Variants in EIF2AK3 observed in about 807,000 individuals in gnomAD.
The protein encoded by EIF2AK3 is eukaryotic translation initiation factor 2-alpha kinase 3.
EIF2AK3 carries 50 observed loss-of-function variants against 113.5 expected under a neutral mutation model. That is an observed-to-expected ratio of 0.44 (90% CI 0.35 to 0.56). The LOEUF (loss-of-function observed/expected upper bound fraction) is 0.56, where lower values mean the gene tolerates loss of function less well. Ranked by LOEUF, EIF2AK3 falls within the 20% of genes least tolerant of loss-of-function variation. The pLI is 0.00. For missense variants in EIF2AK3, 1,185 were observed against 1,378.0 expected (o/e 0.86, Z 2.22); for synonymous variants, 448 against 495.4 (o/e 0.90, Z 1.27).
Position 88,593,336 on chromosome 2 carries a change from T to G in EIF2AK3, c.703A>C (p.Ile235Leu). 3.7e-6 allele frequency: 6 copies of G among 1,614,138 alleles called. No individual in the cohort carries two copies. The highest frequency in any genetic ancestry group is 5.1e-6 in the Non-Finnish European group (6 of 1,179,992). Residue 235 changes from isoleucine to leucine, a missense_variant, in exon 4 of 17, where the codon ATC becomes CTC. Ile to Leu is a conservative substitution (Grantham distance 5). Transcript: ENST00000303236. ...TTTTGGGTACGCTGTAGAAGCAGGA[T>G]GTCTTCCTCTTGTTCCATTTCGTCA... ...DSDEMEQEED[I>L]LLLQRTQKTV...
At chr2:88,590,684 A>G (rs1674865161) in intron 5 of EIF2AK3, 79 bp from the exon 6 acceptor site, 1 of 1,575,268 alleles carries the variant, frequency 6.3e-7, no homozygotes, top group African/African-American at 1.4e-5. Flanking sequence ...ACCATTTAAA[A>G]TCACAAATTT....
chr2:88,600,347 TAGTC>T (rs1362487281), intron 2 of EIF2AK3, among the ~76,000 whole-genome samples: 4 of 152,128 alleles, frequency 2.6e-5, no homozygotes, highest in African/African-American at 7.2e-5. Context: ...AGTCACCCGA[TAGTC>T]AGCTGCAAAT....
intron 1 of EIF2AK3, 68 bp downstream of exon 1, chr2:88,626,899 C>G (rs542275082): frequency 6.8e-5 from 108 of 1,584,314 alleles, no homozygotes; most frequent in East Asian, 2.1e-4. Context: ...TCTCCGCCCC[C>G]CTACACCGCA....
In EIF2AK3 at chr2:88,569,002, T is replaced by C. The variant is rs764993126; in HGVS notation, c.2985+1872A>G. Among the ~76,000 whole-genome samples the C allele has an allele frequency of 6.6e-5, 10 of 152,324 alleles. No individual in the cohort carries two copies. In the South Asian group the frequency reaches 1.9e-3, roughly 28 times the overall value. ...GCCTCCTAAGTTCAAGCAATTCTTG[T>C]GCCTCAGCCTCCTGGGTAGCTGGGA... On this transcript the variant is annotated intron_variant, in intron 14 of 16. Transcript: ENST00000303236.
chr2:88,616,349 T>C (rs991187735), intron 1 of EIF2AK3, among the ~76,000 whole-genome samples: 1 of 152,134 alleles, frequency 6.6e-6, no homozygotes, highest in African/African-American at 2.4e-5. Context: ...CTTAGGGCCT[T>C]TGCATCTACC....
intron 1 of EIF2AK3, among the ~76,000 whole-genome samples, chr2:88,615,830 A>G (rs566890044): frequency 6.6e-6 from 1 of 152,186 alleles, no homozygotes; most frequent in Non-Finnish European, 1.5e-5. Context: ...CTCTCCTTCT[A>G]TGTTGAACTA....
At position 88,605,125 on chromosome 2, in the gene EIF2AK3, G is replaced by A. The variant is rs1263601738; in HGVS notation, c.438+8599C>T. Among the ~76,000 whole-genome samples the A allele has an allele frequency of 1.3e-5, 2 of 152,070 alleles. 1 individual carries two copies. Among genetic ancestry groups the A allele is most frequent in the South Asian group, 4.1e-4 (2 of 4,824 alleles). ...CTCAAACAAAAGTTTATGATCCAGG[G>A]CTGCTTACTTTGAACTTCTAAGGTA... is the stretch of plus-strand genomic sequence containing the variant. On this transcript the variant is annotated intron_variant, in intron 2 of 16. Coordinates refer to ENST00000303236, the MANE Select transcript of EIF2AK3 (RefSeq NM_004836.7).
Position 88,574,866 on chromosome 2 carries a change from C to G in EIF2AK3, c.2617G>C (p.Glu873Gln). The G allele has an allele frequency of 6.2e-7, 1 of 1,614,088 alleles. No individual in the cohort carries two copies. Among genetic ancestry groups the G allele is most frequent in the Non-Finnish European group, 8.5e-7 (1 of 1,179,996 alleles). ...TTTGGTGAACTGGGCTGGAGTTTTT[C>G]TGTGGTGTTTTTAGTGAGATCTAAA... The part of the protein sequence containing the change: ...LSLDLTKNTT[E>Q]KLQPSSPKVY... Residue 873 changes from glutamate to glutamine, a missense_variant, in exon 13 of 17, where the codon GAA becomes CAA. This residue lies in a region of EIF2AK3 where 877 missense variants were observed against 1,024.2 expected (regional missense o/e 0.86). Coordinates refer to ENST00000303236, the MANE Select transcript of EIF2AK3 (RefSeq NM_004836.7).
intron 3 of EIF2AK3, among the ~76,000 whole-genome samples, chr2:88,594,446 C>T (rs1215833001): frequency 6.6e-6 from 1 of 152,188 alleles, no homozygotes; most frequent in Non-Finnish European, 1.5e-5. Context: ...ATCCACCCAC[C>T]TTGGCCTCCC....
At chr2:88,589,357 C>T (rs1370677785) in intron 6 of EIF2AK3, among the ~76,000 whole-genome samples, 2 of 152,130 alleles carry the variant, frequency 1.3e-5, no homozygotes, top group Non-Finnish European at 2.9e-5. Context: ...GTGGATGGCA[C>T]ATTGTCAGAG....
intron 1 of EIF2AK3, among the ~76,000 whole-genome samples, chr2:88,625,377 G>A (rs560828931): frequency 7.3e-5 from 11 of 151,440 alleles, no homozygotes; most frequent in Admixed American, 2.0e-4. Flanking sequence ...CGGCCTCTGT[G>A]CCTCTTGCTG....
intron 2 of EIF2AK3, among the ~76,000 whole-genome samples, chr2:88,600,929 T>G (rs1203644861): frequency 6.6e-6 from 1 of 152,208 alleles, no homozygotes; most frequent in Admixed American, 6.5e-5. Flanking sequence ...TCAACTTTAT[T>G]TTAACTGGTT....
intron 2 of EIF2AK3, among the ~76,000 whole-genome samples, chr2:88,601,180 G>A (rs1055338713): frequency 6.6e-6 from 1 of 152,152 alleles, no homozygotes; most frequent in African/African-American, 2.4e-5. Flanking sequence ...CCTCCACAAA[G>A]GAACTTCTTT....
intron 12 of EIF2AK3, 129 bp downstream of exon 12, chr2:88,576,424 CA>C (rs1674458316): frequency 2.9e-6 from 4 of 1,380,378 alleles, no homozygotes; most frequent in Non-Finnish European, 3.9e-6. Context: ...GAGAACTTTT[CA>C]AAACATGAAA....
At chr2:88,567,353 T>C (rs936746242) in intron 14 of EIF2AK3, among the ~76,000 whole-genome samples, 1 of 152,120 alleles carries the variant, frequency 6.6e-6, no homozygotes, top group African/African-American at 2.4e-5. Flanking sequence ...TGCTGCAGTT[T>C]GTGTTTGTCG....
chr2:88,576,438 A>G (rs961982504), intron 12 of EIF2AK3, 116 bp downstream of exon 12: 1 of 1,446,922 alleles, frequency 6.9e-7, no homozygotes, highest in Non-Finnish European at 9.3e-7. Context: ...ACATGAAACA[A>G]CAGAACTCTG....
chr2:88,570,897 T>G lies in EIF2AK3; in HGVS notation c.2962A>C (p.Lys988Gln). ...ACCTGCTCTGGGCTCATATACAGTTTGGTCCCTACTTGTCCTGTGTGTCTG... is the reference window on the plus strand; with the variant it reads ...ACCTGCTCTGGGCTCATATACAGTTGGGTCCCTACTTGTCCTGTGTGTCTG... ...YARHTGQVGTKLYMSPEQIHG... is the reference protein window; with the variant it reads ...YARHTGQVGTQLYMSPEQIHG... Residue 988 changes from lysine (K) to glutamine (Q), a missense_variant, in exon 14 of 17, where the codon AAA becomes CAA. Physicochemically the swap from Lys to Gln is moderately conservative, Grantham distance 53. Coordinates refer to ENST00000303236, the MANE Select transcript of EIF2AK3 (RefSeq NM_004836.7). 4 of 1,614,192 alleles carry G rather than the reference T, an allele frequency of 2.5e-6. No individual in the cohort carries two copies. Among genetic ancestry groups the G allele is most frequent in the Non-Finnish European group, 3.4e-6 (4 of 1,180,022 alleles).
chr2:88,627,624 C>T (rs1298485733), upstream of EIF2AK3: 1 of 247,994 alleles, frequency 4.0e-6, no homozygotes. Flanking sequence ...TTTCGTCGTT[C>T]GAGGCCCGTC....
At chr2:88,567,342 T>C (rs1394121036) in intron 14 of EIF2AK3, among the ~76,000 whole-genome samples, 1 of 152,218 alleles carries the variant, frequency 6.6e-6, no homozygotes, top group African/African-American at 2.4e-5. Flanking sequence ...TCCTTTCCCT[T>C]TGCTGCAGTT....
Sources: gnomAD v4.1 joint callset for allele counts (sites outside exome capture counted in the v4.1 genomes callset) on GRCh38, gnomAD v4.1.1 for gene constraint, gnomAD v4.1.1 regional missense constraint, MANE v1.5 for transcripts, NCBI Gene and HGNC (gene_info 2026-07-23, HGNC 2026-07-21) for gene names.